Variants in CACNA2D3 observed in about 807,000 individuals in gnomAD.
CACNA2D3 encodes calcium voltage-gated channel auxiliary subunit alpha2delta 3, also known as voltage-dependent calcium channel subunit alpha-2/delta-3.
Under a neutral mutation model 160.6 loss-of-function variants are expected in CACNA2D3, and 60 were observed. The ratio of observed to expected loss-of-function variants is 0.37; its 90% CI spans 0.30 to 0.46. The LOEUF (loss-of-function observed/expected upper bound fraction) is 0.46, where lower values mean the gene tolerates loss of function less well. Among genes scored for constraint, CACNA2D3 ranks in the 20% least tolerant of loss-of-function variants. The pLI is 1.00. For synonymous variants in CACNA2D3, 558 were observed against 492.9 expected, an observed-to-expected ratio of 1.13 and a Z score of -1.75; for missense variants, 1,205 against 1,365.0, an observed-to-expected ratio of 0.88 and a Z score of 1.85.
At chr3:54,870,042 C>T (rs1363409493) in intron 17 of CACNA2D3, among the ~76,000 whole-genome samples, 1 of 152,114 alleles carries the variant, frequency 6.6e-6, no homozygotes, top group East Asian at 1.9e-4. Context: ...CCATAGGAGG[C>T]TAGGCACCAT....
At chr3:54,287,983 C>T (rs1372572277) in intron 2 of CACNA2D3, among the ~76,000 whole-genome samples, 1 of 151,094 alleles carries the variant, frequency 6.6e-6, no homozygotes, top group Non-Finnish European at 1.5e-5. Context: ...AGGAAAGATC[C>T]AAAATTGACA....
chr3:54,893,370 C>G (rs997604612), intron 25 of CACNA2D3, among the ~76,000 whole-genome samples: 2 of 151,988 alleles, frequency 1.3e-5, no homozygotes, highest in Non-Finnish European at 2.9e-5. Flanking sequence ...CATTACGTGA[C>G]CCACAGAGTG....
At chr3:54,830,517 C>T (rs138814987) in intron 14 of CACNA2D3, among the ~76,000 whole-genome samples, 5 of 150,216 alleles carry the variant, frequency 3.3e-5, no homozygotes, top group African/African-American at 9.8e-5. Flanking sequence ...GGCACGATAT[C>T]GGTTTGCTGC....
chr3:54,374,283 C>T (rs1006585140), intron 3 of CACNA2D3, among the ~76,000 whole-genome samples: 1 of 152,162 alleles, frequency 6.6e-6, no homozygotes. Context: ...ACCAAAGATA[C>T]CTGCCATCTG....
intron 6 of CACNA2D3, among the ~76,000 whole-genome samples, chr3:54,568,396 A>G (rs1193250429): frequency 6.6e-6 from 1 of 152,218 alleles, no homozygotes; most frequent in Non-Finnish European, 1.5e-5. Context: ...TCAATTCAAG[A>G]AACATCCACT....
intron 2 of CACNA2D3, among the ~76,000 whole-genome samples, chr3:54,304,952 A>G (rs4078007): frequency 0.22 from 34,100 of 151,916 alleles, 4,159 homozygotes; most frequent in South Asian, 0.34. Flanking sequence ...TAAACACAAC[A>G]CACTTGTATA....
chr3:55,067,874 C>G (rs370343772), intron 35 of CACNA2D3, among the ~76,000 whole-genome samples: 3 of 152,156 alleles, frequency 2.0e-5, no homozygotes, highest in African/African-American at 7.2e-5. Flanking sequence ...AAAGCCTTAC[C>G]AAGAAATTAA....
chr3:54,746,471 A>C (rs1017329032), intron 11 of CACNA2D3, among the ~76,000 whole-genome samples: 1 of 152,232 alleles, frequency 6.6e-6, no homozygotes. Context: ...TGAGTTGGGC[A>C]GTGAGTCCAA....
chr3:54,197,215 G>A (rs1420567092), intron 2 of CACNA2D3, among the ~76,000 whole-genome samples: 1 of 152,092 alleles, frequency 6.6e-6, no homozygotes, highest in African/African-American at 2.4e-5. Flanking sequence ...CTCAGTTGTC[G>A]CTGTCTCCTT....
At chr3:54,942,117 C>T (rs1353522709) in intron 27 of CACNA2D3, among the ~76,000 whole-genome samples, 1 of 152,224 alleles carries the variant, frequency 6.6e-6, no homozygotes, top group Non-Finnish European at 1.5e-5. Flanking sequence ...CCTGGCAATC[C>T]TTTGTTACCT....
At position 54,348,679 on chromosome 3, in the gene CACNA2D3, C is replaced by A. The variant is rs1698498775; in HGVS notation, c.321+28121C>A. On this transcript the variant is annotated intron_variant, in intron 3 of 37. Transcript: ENST00000474759. Reference sequence around the variant, plus strand: ...TTATTTGCTCATCTTTCTTTTCTGTCAAGAAGAGAGATGCTGTGTCAGAAA... The same window carrying A: ...TTATTTGCTCATCTTTCTTTTCTGTAAAGAAGAGAGATGCTGTGTCAGAAA... Among the ~76,000 whole-genome samples the A allele has an allele frequency of 3.3e-5, 5 of 152,298 alleles. 1 individual carries two copies. In the South Asian group the frequency reaches 1.0e-3, roughly 32 times the overall value.
chr3:54,780,259 T>C (rs1702506704), intron 13 of CACNA2D3, among the ~76,000 whole-genome samples: 1 of 152,230 alleles, frequency 6.6e-6, no homozygotes, highest in Non-Finnish European at 1.5e-5. Context: ...AGCAACTGAC[T>C]TTTATGAATG....
intron 2 of CACNA2D3, among the ~76,000 whole-genome samples, chr3:54,240,401 A>C (rs888015650): frequency 1.3e-5 from 2 of 152,164 alleles, no homozygotes; most frequent in Non-Finnish European, 2.9e-5. Context: ...AGATATAATA[A>C]TGCTTCTCAA....
intron 35 of CACNA2D3, among the ~76,000 whole-genome samples, chr3:55,051,460 T>G (rs371809463): frequency 6.5e-4 from 99 of 152,024 alleles, no homozygotes; most frequent in African/African-American, 2.3e-3. Context: ...CAGTCTGCCC[T>G]TTCTCAGATC....
At chr3:54,303,531 A>C (rs1239542185) in intron 2 of CACNA2D3, among the ~76,000 whole-genome samples, 3 of 152,162 alleles carry the variant, frequency 2.0e-5, no homozygotes, top group African/African-American at 7.2e-5. Flanking sequence ...GCACATATGC[A>C]CTGTGCTATG....
At chr3:54,626,193 T>G in intron 9 of CACNA2D3, 1 of 764,442 alleles carries the variant, frequency 1.3e-6, no homozygotes, top group East Asian at 2.6e-5. Flanking sequence ...ACCAGAGAGC[T>G]CTTTTCTGAG....
intron 11 of CACNA2D3, among the ~76,000 whole-genome samples, chr3:54,732,748 C>T (rs1701415199): frequency 6.6e-6 from 1 of 152,176 alleles, no homozygotes; most frequent in Admixed American, 6.5e-5. Flanking sequence ...TTTGAGACAC[C>T]ATTCACTGAC....
chr3:54,341,539 G>GTAC (rs1345285672), intron 3 of CACNA2D3, among the ~76,000 whole-genome samples: 3 of 152,182 alleles, frequency 2.0e-5, no homozygotes, highest in Non-Finnish European at 2.9e-5. Context: ...GGCATCTGGT[G>GTAC]TACATAGGAT....
chr3:55,048,936 A>G (rs1391440930), intron 35 of CACNA2D3, among the ~76,000 whole-genome samples: 1 of 137,502 alleles, frequency 7.3e-6, no homozygotes, highest in Non-Finnish European at 1.6e-5. Flanking sequence ...TTTCTGTGGG[A>G]TTGCTGGTGA....
Sources: gnomAD v4.1 joint callset for allele counts (sites outside exome capture counted in the v4.1 genomes callset) on GRCh38, gnomAD v4.1.1 for gene constraint, MANE v1.5 for transcripts, NCBI Gene and HGNC (gene_info 2026-07-23, HGNC 2026-07-21) for gene names.